Variants in MARK1 observed in about 807,000 individuals in gnomAD.
MARK1 encodes microtubule affinity regulating kinase 1.
MARK1 carries 40 observed loss-of-function variants against 96.3 expected under a neutral mutation model. The observed-to-expected ratio is 0.42, with a 90% CI of 0.32 to 0.54. The LOEUF (loss-of-function observed/expected upper bound fraction) is 0.54, where lower values mean the gene tolerates loss of function less well. MARK1 is among the 20% of genes least tolerant of loss of function. The probability of loss-of-function intolerance (pLI) is 0.16; values close to 1 mark genes in which losing one functional copy is unlikely to be tolerated. For missense variants in MARK1, 719 were observed against 984.6 expected (o/e 0.73, Z 3.61); for synonymous variants, 317 against 341.2 (o/e 0.93, Z 0.78).
In MARK1 at chr1:220,659,792, AT is replaced by A. The variant is rs879354530; in HGVS notation, c.2033+1969del. ...TTAGCTCTATAACTTCAGAAAACTA[AT>A]TTTTTTTTTTCTTCTGAGACAAAGT... On this transcript the variant is annotated intron_variant, in intron 17 of 17. Transcript: ENST00000366917. 3.9e-3 allele frequency among the ~76,000 whole-genome samples: 588 copies of A among 149,112 alleles called. 1 individual carries two copies. The highest frequency in any genetic ancestry group is 6.1e-3 in the Admixed American group (91 of 14,920).
chr1:220,662,183 A>G lies in MARK1; in HGVS notation c.*17A>G. On this transcript the variant is annotated 3_prime_UTR_variant, in exon 18 of 18. Transcript: ENST00000366917. ...AAGCTGTAAAGAAGTCCAAATTTACAGGTTCAGGGAAGATACATACATATA... is the reference window on the plus strand; with the variant it reads ...AAGCTGTAAAGAAGTCCAAATTTACGGGTTCAGGGAAGATACATACATATA... 1.3e-6 allele frequency: 2 copies of G among 1,575,986 alleles called. No homozygotes were observed. The highest frequency in any genetic ancestry group is 8.7e-7 in the Non-Finnish European group (1 of 1,154,962).
intron 1 of MARK1, among the ~76,000 whole-genome samples, chr1:220,545,439 G>GTTTTTTTT (rs35422682): frequency 3.0e-4 from 26 of 87,250 alleles, no homozygotes; most frequent in East Asian, 7.8e-4. Flanking sequence ...CTTTCTCATG[G>GTTTTTTTT]TTTTTTTTTT....
In MARK1 at chr1:220,531,877, CAGTA is replaced by C. The variant is rs369349686; in HGVS notation, c.51+3008_51+3011del. Among the ~76,000 whole-genome samples, 564 of 152,160 alleles carry C rather than the reference CAGTA, an allele frequency of 3.7e-3. 5 individuals carry two copies. The highest frequency in any genetic ancestry group is 0.013 in the African/African-American group (530 of 41,536). On this transcript the variant is annotated intron_variant, in intron 1 of 17. Transcript: ENST00000366917. Reference sequence around the variant, plus strand: ...AATGTGTTTGATTTTAGATTATAAACAGTAAGTCCAGAAAAAGAGTAAAAAAGAT... The same window carrying C: ...AATGTGTTTGATTTTAGATTATAAACAGTCCAGAAAAAGAGTAAAAAAGAT...
chr1:220,603,427 G>A (rs1665874370), intron 5 of MARK1, among the ~76,000 whole-genome samples: 1 of 151,960 alleles, frequency 6.6e-6, no homozygotes, highest in Non-Finnish European at 1.5e-5. Flanking sequence ...TGCAAATTAA[G>A]TACAGATATT....
chr1:220,622,695 G>A (rs913794418), intron 9 of MARK1, among the ~76,000 whole-genome samples: 1 of 152,102 alleles, frequency 6.6e-6, no homozygotes, highest in Non-Finnish European at 1.5e-5. Context: ...CCAGGAGATC[G>A]AGACCAGCCT....
chr1:220,603,882 A>T (rs925629730), intron 5 of MARK1, among the ~76,000 whole-genome samples, 185 bp from the exon 6 acceptor site: 1 of 152,084 alleles, frequency 6.6e-6, no homozygotes, highest in African/African-American at 2.4e-5. Context: ...ACTGCTACAG[A>T]TACTCAATTT....
intron 13 of MARK1, among the ~76,000 whole-genome samples, chr1:220,642,324 G>A (rs74749342): frequency 0.012 from 1,788 of 152,306 alleles, 36 homozygotes; most frequent in African/African-American, 0.041. Flanking sequence ...GCATGGTTTG[G>A]ACTGGGCTGT....
intron 6 of MARK1, among the ~76,000 whole-genome samples, chr1:220,614,231 A>G (rs1264397822): frequency 1.3e-5 from 2 of 152,056 alleles, no homozygotes; most frequent in East Asian, 3.9e-4. Flanking sequence ...CTGGTCTTGA[A>G]CTTCTGGCCT....
chr1:220,567,699 G>C (rs966494088), intron 1 of MARK1, among the ~76,000 whole-genome samples: 2 of 152,170 alleles, frequency 1.3e-5, no homozygotes, highest in Admixed American at 1.3e-4. Context: ...CAAGCACTGT[G>C]TTAAATGCTC....
chr1:220,535,891 T>A (rs1349204903), intron 1 of MARK1, among the ~76,000 whole-genome samples: 1 of 152,186 alleles, frequency 6.6e-6, no homozygotes, highest in Non-Finnish European at 1.5e-5. Context: ...AAGCTATTAC[T>A]ATACTATTTT....
intron 16 of MARK1, among the ~76,000 whole-genome samples, chr1:220,655,733 C>T (rs1430886533): frequency 1.3e-5 from 2 of 152,320 alleles, no homozygotes; most frequent in Non-Finnish European, 1.5e-5. Context: ...TCTGTTTCAG[C>T]AGTGTCATGT....
At chr1:220,559,225 G>T (rs985478786) in intron 1 of MARK1, among the ~76,000 whole-genome samples, 2 of 152,214 alleles carry the variant, frequency 1.3e-5, no homozygotes, top group Non-Finnish European at 2.9e-5. Context: ...GCAAAGGGCA[G>T]TGAAGTATCT....
intron 1 of MARK1, among the ~76,000 whole-genome samples, chr1:220,541,498 A>G (rs893748307): frequency 2.6e-5 from 4 of 151,978 alleles, no homozygotes; most frequent in African/African-American, 9.7e-5. Context: ...TTATTCTATC[A>G]TTATCGAATG....
chr1:220,550,389 G>A (rs949221377), intron 1 of MARK1, among the ~76,000 whole-genome samples: 8 of 152,046 alleles, frequency 5.3e-5, no homozygotes, highest in South Asian at 2.1e-4. Context: ...GTCTTGCTCC[G>A]TTGCCTAAGC....
intron 1 of MARK1, among the ~76,000 whole-genome samples, chr1:220,563,941 A>C (rs1662862740): frequency 6.6e-6 from 1 of 152,134 alleles, no homozygotes; most frequent in Non-Finnish European, 1.5e-5. Flanking sequence ...ATATAGAGAG[A>C]GCCTTCCTTC....
At chr1:220,612,555 T>A (rs1666512161) in intron 6 of MARK1, among the ~76,000 whole-genome samples, 2 of 152,052 alleles carry the variant, frequency 1.3e-5, no homozygotes, top group Admixed American at 6.5e-5. Flanking sequence ...ACTAAAAAAG[T>A]TACTAACTCA....
intron 5 of MARK1, among the ~76,000 whole-genome samples, chr1:220,600,604 GA>G (rs1196728251): frequency 6.6e-6 from 1 of 152,098 alleles, no homozygotes; most frequent in Non-Finnish European, 1.5e-5. Context: ...AAAATTTATG[GA>G]ATTAATCATT....
chr1:220,598,327 A>G lies in MARK1; in HGVS notation c.310-4A>G. 1 of 633,708 alleles carries G rather than the reference A, an allele frequency of 1.6e-6. No individual in the cohort carries two copies. The highest frequency in any genetic ancestry group is 2.7e-6 in the Non-Finnish European group (1 of 370,432). The allele number at this position is 633,708 out of a possible 1,614,324, so 39.3% of individuals were successfully genotyped here. A position where few individuals can be genotyped will look rare whatever the true frequency, so the allele number is the denominator to read the frequency against. On this transcript the variant is annotated splice_region_variant and splice_polypyrimidine_tract_variant and intron_variant, in intron 3 of 17. Coordinates refer to ENST00000366917, the MANE Select transcript of MARK1 (RefSeq NM_018650.5). ...GAAATATATCTACCTGTTTTCTTTA[A>G]CAGTTATTTCGAGAAGTACGAATAA...
chr1:220,556,535 C>T (rs1225896513), intron 1 of MARK1, among the ~76,000 whole-genome samples: 7 of 138,050 alleles, frequency 5.1e-5, no homozygotes, highest in Admixed American at 1.5e-4. Flanking sequence ...AGGAAACTAA[C>T]CACTTGTGGA....
Sources: allele counts gnomAD v4.1 joint callset (sites outside exome capture counted in the v4.1 genomes callset), GRCh38; gene constraint gnomAD v4.1.1; transcripts MANE v1.5; gene names NCBI Gene and HGNC (gene_info 2026-07-23, HGNC 2026-07-21).